The following VSIG1 variants were observed in gnomAD, a reference collection of about 807,000 sequenced individuals.
The protein encoded by VSIG1 is V-set and immunoglobulin domain containing 1, also known as V-set and immunoglobulin domain-containing protein 1.
VSIG1 carries 11 observed loss-of-function variants against 20.1 expected under a neutral mutation model. That is an observed-to-expected ratio of 0.55 (90% CI 0.34 to 0.91). VSIG1 has a LOEUF of 0.91. VSIG1 is among the 40% of genes least tolerant of loss of function. VSIG1 has a pLI of 0.02. For synonymous variants in VSIG1, 126 were observed against 116.7 expected (o/e 1.08, Z -0.52); for missense variants, 283 against 298.8 (o/e 0.95, Z 0.39).
At chrX:108,072,567 AAAAT>A (rs1322255039) in intron 3 of VSIG1, 106 bp from the exon 4 acceptor site, 4 of 862,612 alleles carry the variant, frequency 4.6e-6, no homozygotes, top group Non-Finnish European at 6.5e-6. Flanking sequence ...ATTTTTTTTA[AAAAT>A]AAATAAACAC....
At chrX:108,067,716 T>C (rs1484634374) in intron 3 of VSIG1, among the ~76,000 whole-genome samples, 1 of 112,298 alleles carries the variant, frequency 8.9e-6, no homozygotes, top group Admixed American at 9.4e-5. Flanking sequence ...TTAAAATGAA[T>C]TTGGAATCTC....
chrX:108,071,370 TA>T (rs1227332491), intron 3 of VSIG1, among the ~76,000 whole-genome samples: 2 of 111,238 alleles, frequency 1.8e-5, no homozygotes, highest in East Asian at 2.8e-4. Context: ...TGTATAGATA[TA>T]AAATAAATAT....
intron 3 of VSIG1, among the ~76,000 whole-genome samples, chrX:108,072,114 T>C (rs1392855434): frequency 9.1e-6 from 1 of 110,201 alleles, no homozygotes; most frequent in African/African-American, 3.3e-5. Context: ...AAATTCATGG[T>C]TATAAATCTG....
intron 6 of VSIG1, 65 bp downstream of exon 6, chrX:108,076,283 A>T (rs2031347139): frequency 8.9e-7 from 1 of 1,122,972 alleles, no homozygotes; most frequent in Admixed American, 2.3e-5. Flanking sequence ...TTTTTCAGTC[A>T]TCAATTCCTA....
At chrX:108,070,875 G>A (rs976744723) in intron 3 of VSIG1, among the ~76,000 whole-genome samples, 2 of 112,170 alleles carry the variant, frequency 1.8e-5, no homozygotes, top group Admixed American at 9.5e-5. Context: ...CTGTCTTCTC[G>A]CACCTGTGTA....
At position 108,072,800 on chromosome X, in the gene VSIG1, G is replaced by C. The variant is rs1195943871; in HGVS notation, c.536G>C (p.Gly179Ala). ...GTGTACTACTGGCATAAACTTGAGG[G>C]AAGAGACATCGTGCCAGTGAAAGAA... ...SPVYYWHKLE[G>A]RDIVPVKENF... Residue 179 changes from glycine to alanine, a missense_variant, in exon 4 of 7, where the codon GGA (glycine) becomes GCA (alanine). Coordinates refer to ENST00000217957, the MANE Select transcript of VSIG1 (RefSeq NM_182607.5). 4.1e-6 allele frequency: 5 copies of C among 1,208,909 alleles called. No homozygotes were observed. Among genetic ancestry groups the C allele is most frequent in the Non-Finnish European group, 4.5e-6 (4 of 894,976 alleles).
intron 3 of VSIG1, among the ~76,000 whole-genome samples, chrX:108,068,271 C>A (rs760985958): frequency 5.4e-5 from 6 of 111,675 alleles, no homozygotes; most frequent in Non-Finnish European, 1.1e-4. Context: ...ATATTTTTAT[C>A]TTACTGAGTT....
chrX:108,040,924 A>G (rs1219443706), upstream of VSIG1, among the ~76,000 whole-genome samples: 1 of 110,289 alleles, frequency 9.1e-6, no homozygotes, highest in Non-Finnish European at 1.9e-5. Context: ...GAAAAATGCT[A>G]AACTCCTGTT....
At chrX:108,032,650 AGAC>A in the VSIG1 span, among the ~76,000 whole-genome samples, 2 of 111,844 alleles carry the variant, frequency 1.8e-5, no homozygotes, top group Non-Finnish European at 3.8e-5. Context: ...AAAACCCTAC[AGAC>A]AACTGGAGAA....
the VSIG1 span, among the ~76,000 whole-genome samples, chrX:108,039,735 CT>C: frequency 4.5e-5 from 5 of 110,554 alleles, no homozygotes; most frequent in Middle Eastern, 4.7e-3. Flanking sequence ...GGGGGAAGTG[CT>C]TAGAGTCTAG....
chrX:108,078,298 T>A lies in VSIG1; in HGVS notation c.*917T>A, dbSNP rs2031389603. ...CACCCTGGTATCCAATATCTGAGCA[T>A]GGCAAATTTAAAAAATAACACAATT... On this transcript the variant is annotated 3_prime_UTR_variant, in exon 7 of 7. Coordinates refer to ENST00000217957, the MANE Select transcript of VSIG1 (RefSeq NM_182607.5). 8.9e-6 allele frequency: 1 copy of A among 112,250 alleles called. No homozygotes were observed. The highest frequency in any genetic ancestry group is 1.9e-5 in the Non-Finnish European group (1 of 53,236). 9.3% of individuals were successfully genotyped at this position (112,250 alleles called of 1,213,427 possible).
intron 5 of VSIG1, among the ~76,000 whole-genome samples, chrX:108,075,352 C>T (rs753208052): frequency 1.8e-5 from 2 of 112,228 alleles, no homozygotes; most frequent in Non-Finnish European, 1.9e-5. Flanking sequence ...CAGGGAACTG[C>T]TGTTTTTGTG....
At chrX:108,030,368 A>G in the VSIG1 span, among the ~76,000 whole-genome samples, 2 of 111,927 alleles carry the variant, frequency 1.8e-5, no homozygotes, top group African/African-American at 6.5e-5. Context: ...TGACACAACA[A>G]AAAATTGGAG....
chrX:108,042,725 C>T (rs769906006), upstream of VSIG1, among the ~76,000 whole-genome samples: 6 of 111,599 alleles, frequency 5.4e-5, no homozygotes, highest in Admixed American at 1.9e-4. Context: ...AGAACCAAGC[C>T]TGAGAAAAGG....
intron 1 of VSIG1, among the ~76,000 whole-genome samples, chrX:108,050,940 C>T (rs759750053): frequency 4.5e-5 from 5 of 110,953 alleles, no homozygotes; most frequent in African/African-American, 1.3e-4. Flanking sequence ...TCCTATGTTT[C>T]CCACCCAGCA....
chrX:108,046,808 T>C (rs2030591507), intron 1 of VSIG1, among the ~76,000 whole-genome samples: 1 of 111,448 alleles, frequency 9.0e-6, no homozygotes, highest in African/African-American at 3.3e-5. Flanking sequence ...CATGTCAGGA[T>C]TTTATTTTAT....
In VSIG1 at chrX:108,073,223, C is replaced by T. The variant is rs200108792; in HGVS notation, c.569-27C>T. On this transcript the variant is annotated intron_variant, in intron 4 of 6. Transcript: ENST00000217957. ...TTATCTGTATGCACAGAAGAGATCT[C>T]AAAAGTCTATTCCCTGGTTTCAACA... 3.1e-4 allele frequency: 369 copies of T among 1,206,134 alleles called. 1 individual carries two copies. Among genetic ancestry groups the T allele is most frequent in the Non-Finnish European group, 6.2e-5 (55 of 893,121 alleles).
At chrX:108,029,825 A>G in the VSIG1 span, among the ~76,000 whole-genome samples, 1 of 111,814 alleles carries the variant, frequency 8.9e-6, no homozygotes, top group Non-Finnish European at 1.9e-5. Context: ...AGGAGGAGAA[A>G]GAGAGCAGAG....
the VSIG1 span, among the ~76,000 whole-genome samples, chrX:108,033,432 A>T: frequency 4.5e-5 from 5 of 111,921 alleles, no homozygotes; most frequent in African/African-American, 1.6e-4. Context: ...GACCCTCCTC[A>T]TGCTGCTGCA....
Sources: gnomAD v4.1 joint callset for allele counts (sites outside exome capture counted in the v4.1 genomes callset) on GRCh38, gnomAD v4.1.1 for gene constraint, MANE v1.5 for transcripts, NCBI Gene and HGNC (gene_info 2026-07-23, HGNC 2026-07-21) for gene names.